The following PIK3C2G variants were observed in gnomAD, a reference collection of about 807,000 sequenced individuals.
PIK3C2G encodes the protein phosphatidylinositol 3-kinase C2 domain-containing subunit gamma.
PIK3C2G carries 168 observed loss-of-function variants against 181.1 expected under a neutral mutation model. The ratio of observed to expected loss-of-function variants is 0.93; its 90% CI spans 0.82 to 1.05. PIK3C2G has a LOEUF of 1.05. Ranked by LOEUF, PIK3C2G falls within the 50% of genes least tolerant of loss-of-function variation. The probability of loss-of-function intolerance (pLI) is 0.00; values close to 1 mark genes in which losing one functional copy is unlikely to be tolerated. For missense variants in PIK3C2G, 1,869 were observed against 1,732.8 expected, an observed-to-expected ratio of 1.08 and a Z score of -1.40; for synonymous variants, 573 against 592.2, an observed-to-expected ratio of 0.97 and a Z score of 0.47.
chr12:18,527,695 G>A (rs1943317959), intron 24 of PIK3C2G, among the ~76,000 whole-genome samples: 1 of 151,660 alleles, frequency 6.6e-6, no homozygotes, highest in Non-Finnish European at 1.5e-5. Flanking sequence ...AAAAAAGTGG[G>A]CAGTTGAAGG....
At chr12:18,495,089 T>C (rs1233529487) in intron 20 of PIK3C2G, among the ~76,000 whole-genome samples, 1 of 152,086 alleles carries the variant, frequency 6.6e-6, no homozygotes, top group Non-Finnish European at 1.5e-5. Context: ...GAAATAGATA[T>C]TTTCTCTCAA....
At chr12:18,361,266 A>G (rs1941214255) in intron 11 of PIK3C2G, among the ~76,000 whole-genome samples, 1 of 152,082 alleles carries the variant, frequency 6.6e-6, no homozygotes. Flanking sequence ...GGTTATTTTT[A>G]TAATATTTTC....
At chr12:18,494,922 C>A (rs1592404504) in intron 20 of PIK3C2G, among the ~76,000 whole-genome samples, 1 of 151,944 alleles carries the variant, frequency 6.6e-6, no homozygotes, top group Middle Eastern at 3.2e-3. Context: ...CAATTTCTAA[C>A]TAAACAATCC....
chr12:18,531,451 C>A (rs1196101039), intron 24 of PIK3C2G, among the ~76,000 whole-genome samples: 1 of 152,112 alleles, frequency 6.6e-6, no homozygotes, highest in Non-Finnish European at 1.5e-5. Context: ...ATACTGATAT[C>A]AATACATTCA....
upstream of PIK3C2G, among the ~76,000 whole-genome samples, chr12:18,257,866 TAGAA>T (rs1565525563): frequency 6.7e-6 from 1 of 148,726 alleles, no homozygotes; most frequent in Non-Finnish European, 1.5e-5. Flanking sequence ...AGAAAGAAGA[TAGAA>T]AAAGAAAGAA....
At chr12:18,460,045 G>A (rs574289505) in intron 18 of PIK3C2G, among the ~76,000 whole-genome samples, 15 of 152,280 alleles carry the variant, frequency 9.9e-5, no homozygotes, top group African/African-American at 3.4e-4. Flanking sequence ...GATTACAGGC[G>A]TGAGCCATCG....
chr12:18,517,585 A>G (rs1163614353), intron 24 of PIK3C2G, among the ~76,000 whole-genome samples: 1 of 152,104 alleles, frequency 6.6e-6, no homozygotes, highest in Non-Finnish European at 1.5e-5. Flanking sequence ...TTGATTTTGT[A>G]TCCTGAGACT....
chr12:18,445,896 T>A (rs1257290348), intron 18 of PIK3C2G, among the ~76,000 whole-genome samples: 1 of 152,136 alleles, frequency 6.6e-6, no homozygotes, highest in Non-Finnish European at 1.5e-5. Context: ...CATCTCTGAA[T>A]GGATACAAAA....
chr12:18,686,981 G>A, the PIK3C2G span, among the ~76,000 whole-genome samples: 2 of 151,958 alleles, frequency 1.3e-5, no homozygotes, highest in African/African-American at 4.8e-5. Flanking sequence ...AGCATTTTGT[G>A]ATGAAGATTC....
At chr12:18,391,888 T>A (rs56369983) in intron 15 of PIK3C2G, among the ~76,000 whole-genome samples, 35,401 of 150,068 alleles carry the variant, frequency 0.24, 4,345 homozygotes, top group Admixed American at 0.34. Context: ...TGTGTGTGTG[T>A]GAGAGAGAGA....
intron 24 of PIK3C2G, among the ~76,000 whole-genome samples, chr12:18,513,440 G>T (rs1424812589): frequency 6.6e-6 from 1 of 151,286 alleles, no homozygotes; most frequent in Non-Finnish European, 1.5e-5. Flanking sequence ...TTTCTTTGAT[G>T]AGAGACTTTT....
intron 30 of PIK3C2G, among the ~76,000 whole-genome samples, chr12:18,605,444 A>G (rs958367371): frequency 4.7e-4 from 72 of 152,186 alleles, no homozygotes; most frequent in Non-Finnish European, 2.9e-5. Context: ...GCAGAATTCT[A>G]TCAGACGTTC....
chr12:18,290,854 G>A lies in PIK3C2G; in HGVS notation c.762-1G>A, dbSNP rs1243746572. 1.3e-6 allele frequency: 2 copies of A among 1,588,370 alleles called. No individual in the cohort carries two copies. Among genetic ancestry groups the A allele is most frequent in the Non-Finnish European group, 8.6e-7 (1 of 1,158,854 alleles). On this transcript the variant is annotated splice_acceptor_variant, in intron 3 of 32. Coordinates refer to ENST00000538779, the MANE Select transcript of PIK3C2G (RefSeq NM_001288772.2). LOFTEE classifies it high-confidence loss of function. ...TATTTTTCTTAACATATGTTTTTCA[G>A]AATCAGAGAAAGATATCATGCAGCT...
chr12:18,343,297 T>C (rs1408848987), intron 9 of PIK3C2G, 30 bp from the exon 10 acceptor site: 2 of 1,213,222 alleles, frequency 1.6e-6, no homozygotes, highest in Non-Finnish European at 2.3e-6. Context: ...GTTGTGCGAA[T>C]AACAAGTATA....
At chr12:18,422,192 T>A (rs1215487854) in intron 17 of PIK3C2G, among the ~76,000 whole-genome samples, 1 of 152,088 alleles carries the variant, frequency 6.6e-6, no homozygotes. Context: ...TATAAGACAG[T>A]GTGCACACAA....
At chr12:18,705,062 A>G in the PIK3C2G span, 1 of 1,400,872 alleles carries the variant, frequency 7.1e-7, no homozygotes, top group Non-Finnish European at 1.0e-6. Context: ...GATCAAAACT[A>G]AGCATTTTCA....
chr12:18,376,913 G>A (rs1200181147), intron 13 of PIK3C2G, among the ~76,000 whole-genome samples: 1 of 152,178 alleles, frequency 6.6e-6, no homozygotes, highest in African/African-American at 2.4e-5. Flanking sequence ...GCAGATGCCA[G>A]CACCATGCTT....
rs189638466 is a variant in PIK3C2G at position 18,388,233 on chromosome 12, A to G, written c.1996-2889A>G. ...TTATCTTTCCTTCCTCTGAACTGCA[A>G]TAGAACTCATGGTCTAACATACGTA... On this transcript the variant is annotated intron_variant, in intron 14 of 32. Transcript: ENST00000538779. Among the ~76,000 whole-genome samples, 429 of 152,120 alleles carry G rather than the reference A, an allele frequency of 2.8e-3. 1 individual carries two copies. Among genetic ancestry groups the G allele is most frequent in the Non-Finnish European group, 5.1e-3 (347 of 67,978 alleles).
Position 18,371,358 on chromosome 12 carries a change from A to C in PIK3C2G, c.1880+47A>C, listed in dbSNP as rs1160922848. On this transcript the variant is annotated intron_variant, in intron 13 of 32. Coordinates refer to ENST00000538779, the MANE Select transcript of PIK3C2G (RefSeq NM_001288772.2). ...AATAAGCCTATCATTTCAATAAAAC[A>C]TTCCTAGAAGTAAATATTTTGGAGT... 2.7e-6 allele frequency: 4 copies of C among 1,499,334 alleles called. No individual in the cohort carries two copies. The African/African-American group carries it at 5.6e-5, about 21-fold the overall frequency. 92.9% of individuals were successfully genotyped at this position (1,499,334 alleles called of 1,614,324 possible). A position where few individuals can be genotyped will look rare whatever the true frequency, so the allele number is the denominator to read the frequency against.
Sources: gnomAD v4.1 joint callset for allele counts (sites outside exome capture counted in the v4.1 genomes callset) on GRCh38, gnomAD v4.1.1 for gene constraint, MANE v1.5 for transcripts, NCBI Gene and HGNC (gene_info 2026-07-23, HGNC 2026-07-21) for gene names.